The following NIN variants were observed in gnomAD, a reference collection of about 807,000 sequenced individuals.
NIN encodes glycogen synthase kinase 3 beta-interacting protein.
NIN carries 137 observed loss-of-function variants against 257.6 expected under a neutral mutation model. That is an observed-to-expected ratio of 0.53 (90% CI 0.46 to 0.61). The LOEUF is 0.61. Among genes scored for constraint, NIN ranks in the 20% least tolerant of loss-of-function variants. NIN has a pLI of 0.00. For synonymous variants in NIN, 918 were observed against 919.8 expected (o/e 1.00, Z 0.04); for missense variants, 2,439 against 2,501.2 (o/e 0.98, Z 0.53).
chr14:50,761,932 T>A (rs746948607), intron 15 of NIN, 21 bp from the exon 16 acceptor site: 1 of 1,613,668 alleles, frequency 6.2e-7, no homozygotes, highest in Admixed American at 1.7e-5. Context: ...ATGGGACTCA[T>A]TGATCCTGCA....
intron 12 of NIN, 126 bp downstream of exon 12, chr14:50,770,262 C>T: frequency 1.1e-6 from 1 of 937,682 alleles, no homozygotes; most frequent in Admixed American, 2.8e-5. Flanking sequence ...GGGTGAAGAC[C>T]CAGCTGGGCA....
intron 4 of NIN, among the ~76,000 whole-genome samples, chr14:50,796,370 T>G (rs541068877): frequency 1.3e-5 from 2 of 152,208 alleles, no homozygotes; most frequent in Non-Finnish European, 1.5e-5. Flanking sequence ...TAGAGAAACC[T>G]TGCTTCAACC....
chr14:50,741,808 C>A, intron 24 of NIN, 80 bp from the exon 25 acceptor site: 1 of 1,478,244 alleles, frequency 6.8e-7, no homozygotes, highest in South Asian at 1.3e-5. Flanking sequence ...TGAATAAGGA[C>A]AAAAGAACTT....
chr14:50,812,833 G>T (rs2044699879), intron 3 of NIN, among the ~76,000 whole-genome samples: 2 of 152,188 alleles, frequency 1.3e-5, no homozygotes, highest in Non-Finnish European at 2.9e-5. Flanking sequence ...TAACTCAGAG[G>T]CTCTTCAGAG....
chr14:50,789,124 CA>C (rs2043468093), intron 5 of NIN, among the ~76,000 whole-genome samples: 1 of 152,166 alleles, frequency 6.6e-6, no homozygotes, highest in African/African-American at 2.4e-5. Context: ...ATAGTCACAT[CA>C]GGGGAGACTC....
intron 6 of NIN, among the ~76,000 whole-genome samples, chr14:50,777,787 T>A (rs2042978052): frequency 6.6e-6 from 1 of 152,202 alleles, no homozygotes; most frequent in Non-Finnish European, 1.5e-5. Context: ...AATCAAAACT[T>A]CTTATTTATT....
At chr14:50,754,447 C>A in intron 20 of NIN, 116 bp downstream of exon 20, 4 of 797,538 alleles carry the variant, frequency 5.0e-6, no homozygotes, top group Non-Finnish European at 7.9e-6. Flanking sequence ...GAATTTACAA[C>A]CTTACCATCA....
chr14:50,796,714 C>G (rs1171839019), intron 4 of NIN, among the ~76,000 whole-genome samples: 1 of 152,166 alleles, frequency 6.6e-6, no homozygotes, highest in South Asian at 2.1e-4. Flanking sequence ...CAGCTGCAGC[C>G]AGGGGAAATA....
chr14:50,754,283 C>T lies in NIN; in HGVS notation c.4734+280G>A, dbSNP rs180995230. On this transcript the variant is annotated intron_variant, in intron 20 of 30. Transcript: ENST00000530997. ...TGCACAAGGGCTACAGCTAATATTT[C>T]GTAGGTATGGTTTTAGAGGTATCAC... Among the ~76,000 whole-genome samples the T allele has an allele frequency of 7.5e-4, 114 of 152,234 alleles. 1 individual carries two copies. The East Asian group carries it at 0.014, about 19-fold the overall frequency.
chr14:50,723,916 TGATATTA>T (rs1355783195), intron 30 of NIN: 3 of 422,614 alleles, frequency 7.1e-6, no homozygotes, highest in African/African-American at 6.1e-5. Flanking sequence ...TAGAACAGAT[TGATATTA>T]GATGGCACCA....
chr14:50,746,022 C>T (rs2041519110), intron 22 of NIN, among the ~76,000 whole-genome samples: 1 of 146,344 alleles, frequency 6.8e-6, no homozygotes, highest in Non-Finnish European at 1.5e-5. Context: ...ACTATTTATA[C>T]CAATGCTTGT....
At chr14:50,769,076 T>A (rs879395030) in intron 12 of NIN, among the ~76,000 whole-genome samples, 18 of 152,236 alleles carry the variant, frequency 1.2e-4, no homozygotes, top group Non-Finnish European at 2.4e-4. Flanking sequence ...TACCTCAGTT[T>A]TTGATGTGTG....
chr14:50,773,367 T>C (rs1232307790), intron 7 of NIN, among the ~76,000 whole-genome samples: 1 of 152,202 alleles, frequency 6.6e-6, no homozygotes. Flanking sequence ...ACTCCTACAA[T>C]AGGCAGTCTT....
chr14:50,726,107 A>G, intron 29 of NIN, 41 bp from the exon 30 acceptor site: 1 of 1,453,032 alleles, frequency 6.9e-7, no homozygotes, highest in South Asian at 1.2e-5. Context: ...ATCATGTCAC[A>G]CTGAAAACAC....
intron 4 of NIN, among the ~76,000 whole-genome samples, chr14:50,801,335 C>A (rs2044094701): frequency 6.6e-6 from 1 of 152,104 alleles, no homozygotes; most frequent in South Asian, 2.1e-4. Flanking sequence ...AGGTGATCCA[C>A]CTGTCTCACC....
chr14:50,737,374 G>T (rs2041030591), intron 27 of NIN, among the ~76,000 whole-genome samples: 1 of 151,960 alleles, frequency 6.6e-6, no homozygotes, highest in South Asian at 2.1e-4. Flanking sequence ...GTAACTGCAG[G>T]CCTGGCCAAC....
intron 5 of NIN, among the ~76,000 whole-genome samples, chr14:50,791,333 A>G (rs1012936514): frequency 6.6e-6 from 1 of 152,212 alleles, no homozygotes; most frequent in Non-Finnish European, 1.5e-5. Context: ...ATTCGCAAAG[A>G]GACCCAAGAA....
chr14:50,805,803 C>T (rs1180413189), intron 4 of NIN: 2 of 152,076 alleles, frequency 1.3e-5, no homozygotes, highest in Non-Finnish European at 2.9e-5. Flanking sequence ...GTTGGAAAAA[C>T]TCACACAATC....
Position 50,722,265 on chromosome 14 carries a change from A to G in NIN, c.*1198T>C, listed in dbSNP as rs2040286465. The G allele has an allele frequency of 4.5e-6, 1 of 223,738 alleles. No homozygotes were observed. The highest frequency in any genetic ancestry group is 1.8e-4 in the South Asian group (1 of 5,438). The allele number at this position is 223,738 out of a possible 1,614,324, so 13.9% of individuals were successfully genotyped here. ...TTGGCACTCCTTGACCTCAGGTGGC[A>G]TGCCAATGATTATCACAGTAAGAAA... On this transcript the variant is annotated 3_prime_UTR_variant, in exon 31 of 31. Transcript: ENST00000530997.
Sources: allele counts gnomAD v4.1 joint callset (sites outside exome capture counted in the v4.1 genomes callset), GRCh38; gene constraint gnomAD v4.1.1; transcripts MANE v1.5; gene names NCBI Gene and HGNC (gene_info 2026-07-23, HGNC 2026-07-21).